GRK3: variants seen among roughly 807,000 people sequenced by gnomAD.
GRK3 encodes adrenergic, beta, receptor kinase 2.
A neutral mutation model predicts 95.7 loss-of-function variants in GRK3; 54 were observed. That is an observed-to-expected ratio of 0.56 (90% CI 0.45 to 0.71). The LOEUF (loss-of-function observed/expected upper bound fraction) is 0.71. Among genes scored for constraint, GRK3 ranks in the 30% least tolerant of loss-of-function variants. The pLI is 0.00. For missense variants in GRK3, 649 were observed against 851.2 expected, an observed-to-expected ratio of 0.76 and a Z score of 2.96; for synonymous variants, 281 against 290.8, an observed-to-expected ratio of 0.97 and a Z score of 0.34.
At position 25,725,232 on chromosome 22, in the gene GRK3, G is replaced by A. The variant is rs570112025; in HGVS notation, c.*2782G>A. On this transcript the variant is annotated 3_prime_UTR_variant, in exon 21 of 21. Transcript: ENST00000324198. ...CAACTATTAAAAAGGTCAAAATTCA[G>A]CCTATTTTTTTTCATTATTTTAGAT... is the stretch of plus-strand genomic sequence containing the variant. 1.5e-4 allele frequency: 34 copies of A among 233,954 alleles called. No homozygotes were observed. The South Asian group carries it at 5.7e-3, about 39-fold the overall frequency. 14.5% of individuals were successfully genotyped at this position (233,954 alleles called of 1,614,324 possible).
intron 1 of GRK3, among the ~76,000 whole-genome samples, chr22:25,576,659 G>T (rs1931912173): frequency 6.6e-6 from 1 of 152,210 alleles, no homozygotes; most frequent in South Asian, 2.1e-4. Flanking sequence ...AAATGGTGCA[G>T]CTGAGCTTCA....
intron 11 of GRK3, 87 bp downstream of exon 11, chr22:25,687,754 T>C: frequency 6.9e-7 from 1 of 1,439,618 alleles, no homozygotes; most frequent in Admixed American, 1.8e-5. Flanking sequence ...TAGAGTCCTG[T>C]CATTTTCCTC....
chr22:25,672,706 A>G (rs1176684164), intron 7 of GRK3, among the ~76,000 whole-genome samples: 1 of 152,142 alleles, frequency 6.6e-6, no homozygotes, highest in Non-Finnish European at 1.5e-5. Flanking sequence ...TCTTATTATT[A>G]GATATAATAA....
At chr22:25,645,869 C>T (rs1215331234) in intron 3 of GRK3, among the ~76,000 whole-genome samples, 3 of 150,904 alleles carry the variant, frequency 2.0e-5, no homozygotes, top group Non-Finnish European at 2.9e-5. Flanking sequence ...TGCAGTGAGC[C>T]GAGGTGGCAC....
At chr22:25,706,772 C>G in intron 15 of GRK3, among the ~76,000 whole-genome samples, 1 of 152,166 alleles carries the variant, frequency 6.6e-6, no homozygotes, top group Non-Finnish European at 1.5e-5. Flanking sequence ...ATCTATGTGC[C>G]TTGGCCTCCC....
At chr22:25,686,087 T>A (rs1275776087) in intron 10 of GRK3, among the ~76,000 whole-genome samples, 7 of 150,058 alleles carry the variant, frequency 4.7e-5, no homozygotes, top group African/African-American at 1.7e-4. Context: ...CCGGGGGTGG[T>A]GGTGGGCGCC....
At chr22:25,588,861 T>C (rs1262384713) in intron 1 of GRK3, among the ~76,000 whole-genome samples, 2 of 151,642 alleles carry the variant, frequency 1.3e-5, no homozygotes, top group Non-Finnish European at 2.9e-5. Context: ...CTCAAACCCC[T>C]GGGCTCAAGT....
chr22:25,704,744 T>G (rs1158860244), intron 15 of GRK3, among the ~76,000 whole-genome samples: 1 of 152,250 alleles, frequency 6.6e-6, no homozygotes, highest in Admixed American at 6.5e-5. Context: ...ACCTTGTAGA[T>G]GACAGAAGTG....
chr22:25,698,608 T>C (rs968638762), intron 13 of GRK3, among the ~76,000 whole-genome samples: 3 of 152,080 alleles, frequency 2.0e-5, no homozygotes, highest in Non-Finnish European at 4.4e-5. Context: ...AAGTCTCAGA[T>C]GGTTGGGTCA....
intron 2 of GRK3, among the ~76,000 whole-genome samples, chr22:25,631,696 A>C (rs1357522895): frequency 6.6e-6 from 1 of 152,212 alleles, no homozygotes; most frequent in Non-Finnish European, 1.5e-5. Context: ...CAAGATACAG[A>C]GCAGTTAGTT....
At chr22:25,610,325 G>A (rs2084487174) in intron 2 of GRK3, among the ~76,000 whole-genome samples, 1 of 152,154 alleles carries the variant, frequency 6.6e-6, no homozygotes, top group South Asian at 2.1e-4. Flanking sequence ...AAATTAGCTG[G>A]ATGTGGTGCT....
At chr22:25,626,034 GTCTTT>G (rs2084625472) in intron 2 of GRK3, among the ~76,000 whole-genome samples, 1 of 152,178 alleles carries the variant, frequency 6.6e-6, no homozygotes, top group South Asian at 2.1e-4. Context: ...GGGCCCAGCT[GTCTTT>G]TCTTTTATCT....
chr22:25,640,761 C>T (rs1025253892), intron 2 of GRK3, among the ~76,000 whole-genome samples: 11 of 151,920 alleles, frequency 7.2e-5, no homozygotes, highest in Admixed American at 1.3e-4. Context: ...ATCGTGATGG[C>T]GGGTGTTACA....
intron 1 of GRK3, among the ~76,000 whole-genome samples, chr22:25,583,200 C>T (rs891002771): frequency 5.9e-5 from 9 of 152,088 alleles, no homozygotes; most frequent in African/African-American, 2.2e-4. Flanking sequence ...GTAATTTCAT[C>T]CGTTAGTCAT....
At chr22:25,632,004 C>T (rs2084667603) in intron 2 of GRK3, among the ~76,000 whole-genome samples, 1 of 152,166 alleles carries the variant, frequency 6.6e-6, no homozygotes, top group Non-Finnish European at 1.5e-5. Context: ...GTAAAGCTAG[C>T]TACTTTAAGT....
chr22:25,631,256 G>T (rs2084662124), intron 2 of GRK3, among the ~76,000 whole-genome samples: 1 of 152,076 alleles, frequency 6.6e-6, no homozygotes, highest in African/African-American at 2.4e-5. Context: ...GAAGAATGTT[G>T]TGTATCCTGG....
intron 1 of GRK3, among the ~76,000 whole-genome samples, chr22:25,569,553 A>G (rs988298890): frequency 6.6e-6 from 1 of 152,192 alleles, no homozygotes; most frequent in Non-Finnish European, 1.5e-5. Flanking sequence ...AGTACACCGG[A>G]CTTTGCCAAA....
chr22:25,646,356 A>G (rs1441043906), intron 3 of GRK3, among the ~76,000 whole-genome samples: 2 of 152,228 alleles, frequency 1.3e-5, no homozygotes, highest in African/African-American at 4.8e-5. Flanking sequence ...AGAAAGTACT[A>G]TATTTGAAAT....
chr22:25,719,187 A>G (rs1047862338), intron 19 of GRK3, among the ~76,000 whole-genome samples: 2 of 150,378 alleles, frequency 1.3e-5, no homozygotes, highest in African/African-American at 4.9e-5. Flanking sequence ...ATCTGAGGTC[A>G]AGTGCTGTTA....
Sources: gnomAD v4.1 joint callset for allele counts (sites outside exome capture counted in the v4.1 genomes callset) on GRCh38, gnomAD v4.1.1 for gene constraint, MANE v1.5 for transcripts, NCBI Gene and HGNC (gene_info 2026-07-23, HGNC 2026-07-21) for gene names.